CATSPERE: variants seen among roughly 807,000 people sequenced by gnomAD.
The protein encoded by CATSPERE is catsper channel auxiliary subunit epsilon, also known as cation channel sperm-associated auxiliary subunit epsilon.
CATSPERE carries 93 observed loss-of-function variants against 114.1 expected under a neutral mutation model. That is an observed-to-expected ratio of 0.81 (90% CI 0.69 to 0.97). The LOEUF is 0.97. CATSPERE is among the 50% of genes least tolerant of loss of function. CATSPERE has a pLI of 0.00. For synonymous variants in CATSPERE, 341 were observed against 384.1 expected (o/e 0.89, Z 1.31); for missense variants, 1,058 against 1,131.6 (o/e 0.93, Z 0.93).
At chr1:244,451,695 T>C, upstream of CATSPERE, 1 of 1,612,502 alleles carries the variant, frequency 6.2e-7, no homozygotes, top group Non-Finnish European at 8.5e-7. This position sits in a 1 kb window ranked among gnomAD's most constrained non-coding sequence, Gnocchi z 6.6. Context: ...TCCCTTTGCC[T>C]TCGTCGCCCC....
chr1:244,634,973 T>C (rs1204855353), intron 20 of CATSPERE, among the ~76,000 whole-genome samples: 1 of 152,172 alleles, frequency 6.6e-6, no homozygotes, highest in Non-Finnish European at 1.5e-5. Flanking sequence ...GCCTTCCAAG[T>C]AGCTGTGACT....
At chr1:244,508,387 G>A (rs1300844170) in intron 7 of CATSPERE, among the ~76,000 whole-genome samples, 3 of 148,482 alleles carry the variant, frequency 2.0e-5, no homozygotes, top group Non-Finnish European at 4.4e-5. Context: ...TGCAAGCTCC[G>A]CCTCCCAGGT....
At chr1:244,497,012 G>C (rs978520050) in intron 6 of CATSPERE, among the ~76,000 whole-genome samples, 1 of 152,096 alleles carries the variant, frequency 6.6e-6, no homozygotes. Flanking sequence ...TTAGATAAGT[G>C]GGTAGTCACA....
chr1:244,551,683 C>A (rs1309636673), intron 8 of CATSPERE, among the ~76,000 whole-genome samples: 5 of 151,786 alleles, frequency 3.3e-5, no homozygotes, highest in Non-Finnish European at 5.9e-5. Context: ...AGGAGTTAGC[C>A]CTGCTCCACA....
intron 13 of CATSPERE, among the ~76,000 whole-genome samples, chr1:244,586,043 A>C (rs1199952848): frequency 2.0e-5 from 3 of 152,102 alleles, no homozygotes; most frequent in Non-Finnish European, 4.4e-5. Flanking sequence ...GCTGTGTCCA[A>C]CTCTTGGTTA....
At chr1:244,537,237 A>G (rs1400427688) in intron 8 of CATSPERE, among the ~76,000 whole-genome samples, 1 of 152,216 alleles carries the variant, frequency 6.6e-6, no homozygotes, top group Non-Finnish European at 1.5e-5. Flanking sequence ...AGTTTTTAGC[A>G]TGAATGAGTG....
At chr1:244,604,023 A>C (rs113479497) in intron 17 of CATSPERE, among the ~76,000 whole-genome samples, 5 of 152,208 alleles carry the variant, frequency 3.3e-5, no homozygotes, top group Admixed American at 3.3e-4. Flanking sequence ...ATAATTCAAT[A>C]GTCTGATGAC....
chr1:244,624,463 T>C (rs769258774), intron 20 of CATSPERE, among the ~76,000 whole-genome samples: 7 of 152,194 alleles, frequency 4.6e-5, no homozygotes, highest in Non-Finnish European at 5.9e-5. Context: ...CACTTTGTTA[T>C]TTCAACAGTA....
chr1:244,606,116 A>T (rs1572974895), intron 18 of CATSPERE, among the ~76,000 whole-genome samples: 1 of 152,180 alleles, frequency 6.6e-6, no homozygotes, highest in African/African-American at 2.4e-5. Flanking sequence ...GACATTTATC[A>T]CTTGTGCACT....
chr1:244,453,547 G>A (rs1297655979), upstream of CATSPERE, among the ~76,000 whole-genome samples: 5 of 152,160 alleles, frequency 3.3e-5, no homozygotes, highest in Non-Finnish European at 7.3e-5. Context: ...ACCTACTCGT[G>A]GTTCAGTGGC....
chr1:244,558,270 G>A (rs1037380384), intron 9 of CATSPERE, among the ~76,000 whole-genome samples: 17 of 151,216 alleles, frequency 1.1e-4, no homozygotes, highest in Non-Finnish European at 2.1e-4. Context: ...AGCCTCACGT[G>A]TAGCTGGGAC....
intron 8 of CATSPERE, among the ~76,000 whole-genome samples, chr1:244,539,654 T>C (rs1308336342): frequency 1.3e-5 from 2 of 149,946 alleles, no homozygotes; most frequent in Non-Finnish European, 3.0e-5. Context: ...TTTCAGCTCC[T>C]GTTATTGGTC....
chr1:244,472,512 A>G (rs149342552), intron 2 of CATSPERE, among the ~76,000 whole-genome samples: 257 of 152,326 alleles, frequency 1.7e-3, no homozygotes, highest in Middle Eastern at 0.014. Context: ...GGTTCATAGA[A>G]AAATGGGCAA....
Position 244,532,855 on chromosome 1 carries a change from A to T in CATSPERE, c.536+14157A>T, listed in dbSNP as rs1446881774. On this transcript the variant is annotated intron_variant, in intron 8 of 21. Coordinates refer to ENST00000366534, the MANE Select transcript of CATSPERE (RefSeq NM_001130957.2). ...ATATCTATTGAATAAAATGCTCTGTAAGTATCTCTTAGGTCCATTTGGTCT... is the reference window on the plus strand; with the variant it reads ...ATATCTATTGAATAAAATGCTCTGTTAGTATCTCTTAGGTCCATTTGGTCT... 2.6e-5 allele frequency among the ~76,000 whole-genome samples: 4 copies of T among 152,114 alleles called. No homozygotes were observed. In the East Asian group the frequency reaches 7.7e-4, roughly 29 times the overall value.
intron 11 of CATSPERE, among the ~76,000 whole-genome samples, chr1:244,579,929 G>A (rs1665909637): frequency 6.6e-6 from 1 of 151,844 alleles, no homozygotes; most frequent in Non-Finnish European, 1.5e-5. Context: ...ATACATTAAG[G>A]GCTTAGAAAA....
rs116138432 is a variant in CATSPERE at position 244,567,888 on chromosome 1, G to C, written c.1508-4442G>C. ...TGTCCAGTTTTGTTCCCTTGCTCACGAGGAGTTGTGATCCTTTGGAGGGGA... is the reference window on the plus strand; with the variant it reads ...TGTCCAGTTTTGTTCCCTTGCTCACCAGGAGTTGTGATCCTTTGGAGGGGA... On this transcript the variant is annotated intron_variant, in intron 10 of 21. Coordinates refer to ENST00000366534, the MANE Select transcript of CATSPERE (RefSeq NM_001130957.2). Among the ~76,000 whole-genome samples, 28 of 152,116 alleles carry C rather than the reference G, an allele frequency of 1.8e-4. No individual in the cohort carries two copies. The East Asian group carries it at 5.2e-3, about 28-fold the overall frequency.
At chr1:244,490,377 G>T in intron 5 of CATSPERE, 70 bp from the exon 6 acceptor site, 2 of 1,030,060 alleles carry the variant, frequency 1.9e-6, no homozygotes, top group Non-Finnish European at 3.0e-6. Flanking sequence ...CATGTATCTT[G>T]AAAGTAGAAT....
At chr1:244,629,969 C>T (rs1673719312) in intron 20 of CATSPERE, among the ~76,000 whole-genome samples, 1 of 152,148 alleles carries the variant, frequency 6.6e-6, no homozygotes, top group South Asian at 2.1e-4. Context: ...AATATATCTG[C>T]AGTACCTGCT....
intron 9 of CATSPERE, among the ~76,000 whole-genome samples, chr1:244,553,832 C>G (rs533730172): frequency 2.6e-5 from 4 of 152,038 alleles, no homozygotes; most frequent in Admixed American, 2.0e-4. Flanking sequence ...TCCCACGCAC[C>G]CCTCTCCTTC....
Sources: allele counts gnomAD v4.1 joint callset (sites outside exome capture counted in the v4.1 genomes callset), GRCh38; gene constraint gnomAD v4.1.1; non-coding constraint Gnocchi (gnomAD v3.1); transcripts MANE v1.5; gene names NCBI Gene and HGNC (gene_info 2026-07-23, HGNC 2026-07-21).